C2CD5: variants seen among roughly 807,000 people sequenced by gnomAD.
C2CD5 encodes the protein C2 calcium dependent domain containing 5, also known as C2 domain-containing protein 5.
C2CD5 carries 109 observed loss-of-function variants against 130.3 expected under a neutral mutation model. The observed-to-expected ratio is 0.84, with a 90% confidence interval of 0.72 to 0.98. C2CD5 has a LOEUF of 0.98. C2CD5 is among the 50% of genes least tolerant of loss of function. The pLI is 0.00. For missense variants in C2CD5, 996 were observed against 1,261.8 expected (o/e 0.79, Z 3.19); for synonymous variants, 454 against 429.2 (o/e 1.06, Z -0.71).
At chr12:22,465,887 T>C (rs1048406372) in intron 22 of C2CD5, among the ~76,000 whole-genome samples, 5 of 152,058 alleles carry the variant, frequency 3.3e-5, no homozygotes, top group Non-Finnish European at 5.9e-5. Flanking sequence ...CCAGTTAATA[T>C]ATCAAATCAG....
chr12:22,467,949 C>T (rs1942363528), intron 22 of C2CD5, among the ~76,000 whole-genome samples: 1 of 152,138 alleles, frequency 6.6e-6, no homozygotes, highest in Non-Finnish European at 1.5e-5. Flanking sequence ...ATCTAATCTT[C>T]TGCAGAATTC....
At chr12:22,543,634 G>C (rs765764542) in intron 2 of C2CD5, among the ~76,000 whole-genome samples, 1 of 152,200 alleles carries the variant, frequency 6.6e-6, no homozygotes, top group Admixed American at 6.5e-5. Context: ...CAGTGGCTGC[G>C]GGGCCACACC....
chr12:22,465,509 T>C (rs1336363006), intron 22 of C2CD5, among the ~76,000 whole-genome samples: 1 of 152,142 alleles, frequency 6.6e-6, no homozygotes, highest in Non-Finnish European at 1.5e-5. Flanking sequence ...AGCCTTTAGA[T>C]ATTTCTCTGA....
intron 14 of C2CD5, among the ~76,000 whole-genome samples, chr12:22,480,778 C>T (rs2136287303): frequency 1.3e-5 from 2 of 152,142 alleles, no homozygotes. Flanking sequence ...CCACTTTTCC[C>T]CAAGTTACTC....
chr12:22,482,479 G>T, intron 14 of C2CD5, 78 bp downstream of exon 14: 1 of 1,219,926 alleles, frequency 8.2e-7, no homozygotes, highest in Non-Finnish European at 1.2e-6. Context: ...CCTTTGAAAA[G>T]ACTATTTGAA....
rs1938080424 is a variant in C2CD5 at position 22,449,617 on chromosome 12, C to G, written c.*143G>C. The G allele has an allele frequency of 4.1e-6, 3 of 726,746 alleles. No homozygotes were observed. The highest frequency in any genetic ancestry group is 6.5e-6 in the Non-Finnish European group (3 of 459,866). 45.0% of individuals were successfully genotyped at this position (726,746 alleles called of 1,614,324 possible). ...TCAAGATTAGAAAATTCTCATGCCT[C>G]CAAAAGACTCCAGGCAAATCAAATC... On this transcript the variant is annotated 3_prime_UTR_variant, in exon 27 of 27. Coordinates refer to ENST00000446597, the MANE Select transcript of C2CD5 (RefSeq NM_001286176.2).
intron 10 of C2CD5, among the ~76,000 whole-genome samples, chr12:22,506,165 CACCCACAG>C (rs1948507127): frequency 2.0e-5 from 3 of 152,118 alleles, no homozygotes; most frequent in Admixed American, 2.0e-4. Flanking sequence ...GTTCCTATGA[CACCCACAG>C]TGTTTACATA....
At chr12:22,492,938 A>C (rs1946533347) in intron 11 of C2CD5, among the ~76,000 whole-genome samples, 1 of 152,172 alleles carries the variant, frequency 6.6e-6, no homozygotes, top group African/African-American at 2.4e-5. Flanking sequence ...GCTGTGTGCC[A>C]GTATTATATT....
chr12:22,472,201 T>TAAA, intron 18 of C2CD5, 85 bp downstream of exon 18: 1 of 698,176 alleles, frequency 1.4e-6, no homozygotes, highest in Non-Finnish European at 2.2e-6. Context: ...AATAAGGAGG[T>TAAA]AAAAAAAAAA....
intron 22 of C2CD5, 53 bp downstream of exon 22, chr12:22,469,656 G>A: frequency 2.8e-6 from 3 of 1,085,828 alleles, no homozygotes; most frequent in Non-Finnish European, 4.0e-6. Flanking sequence ...AAGAAGCAGT[G>A]AAAGGAACTA....
intron 13 of C2CD5, among the ~76,000 whole-genome samples, chr12:22,483,138 G>C (rs901526560): frequency 6.6e-6 from 1 of 151,902 alleles, no homozygotes; most frequent in Non-Finnish European, 1.5e-5. Context: ...TATCAAAGTA[G>C]CTCATGTACC....
chr12:22,449,899 A>G lies in C2CD5; in HGVS notation c.3025-8T>C, dbSNP rs1591896385. The G allele has an allele frequency of 5.6e-6, 9 of 1,601,426 alleles. No homozygotes were observed. The highest frequency in any genetic ancestry group is 1.3e-5 in the African/African-American group (1 of 74,746). On this transcript the variant is annotated splice_polypyrimidine_tract_variant and splice_region_variant and intron_variant, in intron 26 of 26. Coordinates refer to ENST00000446597, the MANE Select transcript of C2CD5 (RefSeq NM_001286176.2). Reference sequence around the variant, plus strand: ...ATTTATAAGACACTGTGCCTATAAGAACAACAAACAGGACAGGTTCAGTTA... The same window carrying G: ...ATTTATAAGACACTGTGCCTATAAGGACAACAAACAGGACAGGTTCAGTTA...
intron 22 of C2CD5, among the ~76,000 whole-genome samples, chr12:22,464,266 G>C (rs1317201998): frequency 6.6e-6 from 1 of 152,146 alleles, no homozygotes; most frequent in Non-Finnish European, 1.5e-5. Context: ...GGTCATTTAA[G>C]TTTCTAATTA....
chr12:22,519,612 C>T (rs908070381), intron 7 of C2CD5, among the ~76,000 whole-genome samples: 3 of 151,844 alleles, frequency 2.0e-5, no homozygotes, highest in Non-Finnish European at 2.9e-5. Flanking sequence ...TGGGGAGGGA[C>T]GCCCATAAAA....
rs1276068115 is a variant in C2CD5 at position 22,523,213 on chromosome 12, C to CA, written c.800+212dup. ...TGGGCAACAGAGCAAGACCCTGTCA[C>CA]AAAAAATAAAAATAAAAATAAATAA... On this transcript the variant is annotated intron_variant, in intron 7 of 26. Transcript: ENST00000446597. Among the ~76,000 whole-genome samples, 5 of 150,946 alleles carry CA rather than the reference C, an allele frequency of 3.3e-5. No individual in the cohort carries two copies. The East Asian group carries it at 9.7e-4, about 29-fold the overall frequency.
intron 10 of C2CD5, among the ~76,000 whole-genome samples, chr12:22,506,486 A>G (rs1591895696): frequency 2.0e-5 from 3 of 152,350 alleles, no homozygotes; most frequent in East Asian, 3.9e-4. Flanking sequence ...TTAAAGTGAT[A>G]TTGTGACCAA....
intron 2 of C2CD5, among the ~76,000 whole-genome samples, chr12:22,541,079 G>T (rs896138110): frequency 6.6e-6 from 1 of 151,538 alleles, no homozygotes; most frequent in Non-Finnish European, 1.5e-5. Context: ...TCTTTTTTTT[G>T]AATGCCATAG....
chr12:22,479,062 A>T (rs1944309941), intron 14 of C2CD5, among the ~76,000 whole-genome samples: 1 of 151,818 alleles, frequency 6.6e-6, no homozygotes, highest in South Asian at 2.1e-4. Context: ...TATATTTTTT[A>T]TGTTTCTACC....
chr12:22,464,582 T>C (rs112593749), intron 22 of C2CD5, among the ~76,000 whole-genome samples: 8 of 152,294 alleles, frequency 5.3e-5, no homozygotes, highest in African/African-American at 1.9e-4. Context: ...ATTTCTGGGA[T>C]GAGTTTTTCA....
Sources: gnomAD v4.1 joint callset for allele counts (sites outside exome capture counted in the v4.1 genomes callset) on GRCh38, gnomAD v4.1.1 for gene constraint, MANE v1.5 for transcripts, NCBI Gene and HGNC (gene_info 2026-07-23, HGNC 2026-07-21) for gene names.